Variants in MAML2 observed in about 807,000 individuals in gnomAD.
MAML2 encodes the protein mastermind like transcriptional coactivator 2, also known as mastermind-like protein 2.
A neutral mutation model predicts 96.1 loss-of-function variants in MAML2; 22 were observed. That is an observed-to-expected ratio of 0.23 (90% CI 0.16 to 0.33). MAML2 has a LOEUF of 0.33. MAML2 is among the 10% of genes least tolerant of loss of function. The pLI is 1.00. For missense variants in MAML2, 1,367 were observed against 1,392.4 expected (o/e 0.98, Z 0.29); for synonymous variants, 561 against 521.3 (o/e 1.08, Z -1.04).
intron 1 of MAML2, among the ~76,000 whole-genome samples, chr11:96,196,898 A>G (rs1861741253): frequency 1.4e-5 from 2 of 143,886 alleles, no homozygotes; most frequent in Admixed American, 6.9e-5. Context: ...TTTTTTTTCA[A>G]TAGGAGCCAG....
chr11:96,260,932 C>T (rs1862740978), intron 1 of MAML2, among the ~76,000 whole-genome samples: 1 of 152,018 alleles, frequency 6.6e-6, no homozygotes, highest in African/African-American at 2.4e-5. Flanking sequence ...CTGAGTGAAA[C>T]TAAATATTCT....
At chr11:96,265,691 CA>C (rs1184798154) in intron 1 of MAML2, among the ~76,000 whole-genome samples, 4 of 152,210 alleles carry the variant, frequency 2.6e-5, no homozygotes, top group African/African-American at 7.2e-5. Flanking sequence ...GAGGAACACA[CA>C]AGCGGCTAGA....
At chr11:96,309,926 C>T (rs1383777771) in intron 1 of MAML2, among the ~76,000 whole-genome samples, 1 of 151,972 alleles carries the variant, frequency 6.6e-6, no homozygotes, top group African/African-American at 2.4e-5. Flanking sequence ...CGGTCTTAAA[C>T]TCCTGGACTC....
At chr11:96,268,078 T>C (rs1235897678) in intron 1 of MAML2, among the ~76,000 whole-genome samples, 2 of 152,260 alleles carry the variant, frequency 1.3e-5, no homozygotes, top group Non-Finnish European at 2.9e-5. Flanking sequence ...ATCTCTGCTC[T>C]CTATGATTTC....
intron 2 of MAML2, among the ~76,000 whole-genome samples, chr11:96,033,993 C>A (rs1395591466): frequency 6.6e-6 from 1 of 152,152 alleles, no homozygotes; most frequent in Non-Finnish European, 1.5e-5. Context: ...TAAGGAAAAT[C>A]TTTTCTTTCC....
intron 1 of MAML2, among the ~76,000 whole-genome samples, chr11:96,287,988 C>CTT (rs1348871862): frequency 6.6e-6 from 1 of 152,082 alleles, no homozygotes; most frequent in Non-Finnish European, 1.5e-5. Context: ...TACATAAACT[C>CTT]TGAGAGTAAG....
intron 1 of MAML2, among the ~76,000 whole-genome samples, chr11:96,101,212 C>A (rs1352819243): frequency 6.6e-6 from 1 of 152,196 alleles, no homozygotes. Context: ...TTCCCCACCT[C>A]CCCTTTCTTA....
intron 2 of MAML2, among the ~76,000 whole-genome samples, chr11:96,042,373 CG>C (rs1273400913): frequency 1.3e-5 from 2 of 152,004 alleles, no homozygotes; most frequent in African/African-American, 4.8e-5. Flanking sequence ...CCACCTGCCT[CG>C]GCCTCCCAAA....
intron 1 of MAML2, among the ~76,000 whole-genome samples, chr11:96,243,595 C>A (rs1862468219): frequency 6.6e-6 from 1 of 152,182 alleles, no homozygotes; most frequent in Admixed American, 6.5e-5. Flanking sequence ...GAAGGAAGAC[C>A]CACATGTTAA....
At chr11:96,255,712 G>A (rs989056627) in intron 1 of MAML2, among the ~76,000 whole-genome samples, 2 of 152,090 alleles carry the variant, frequency 1.3e-5, no homozygotes, top group South Asian at 4.2e-4. Context: ...ATTTCCAGAT[G>A]AGGGAATGAC....
At chr11:96,293,410 C>T (rs1023379026) in intron 1 of MAML2, among the ~76,000 whole-genome samples, 1 of 152,030 alleles carries the variant, frequency 6.6e-6, no homozygotes, top group African/African-American at 2.4e-5. Flanking sequence ...AATAATTTTC[C>T]TCGGTCTTTC....
At chr11:96,282,848 C>A (rs1400370115) in intron 1 of MAML2, among the ~76,000 whole-genome samples, 1 of 152,172 alleles carries the variant, frequency 6.6e-6, no homozygotes, top group Non-Finnish European at 1.5e-5. Flanking sequence ...CTCAGTCATC[C>A]TCCTCCTTCT....
intron 1 of MAML2, among the ~76,000 whole-genome samples, chr11:96,202,935 A>C (rs1861846903): frequency 6.6e-6 from 1 of 152,132 alleles, no homozygotes; most frequent in South Asian, 2.1e-4. Context: ...GCCTCAGATG[A>C]TATTTTTTAC....
intron 1 of MAML2, among the ~76,000 whole-genome samples, chr11:96,309,507 C>T (rs1863508492): frequency 6.6e-6 from 1 of 152,094 alleles, no homozygotes; most frequent in Non-Finnish European, 1.5e-5. Context: ...TAACTACCTG[C>T]TCACTCTCCC....
intron 2 of MAML2, among the ~76,000 whole-genome samples, chr11:96,062,157 T>C (rs1171428306): frequency 6.8e-6 from 1 of 146,160 alleles, no homozygotes. Flanking sequence ...AGTATGGTAC[T>C]TTTTTTTTGC....
chr11:96,163,040 G>A (rs1861137751), intron 1 of MAML2, among the ~76,000 whole-genome samples: 2 of 152,190 alleles, frequency 1.3e-5, no homozygotes, highest in Admixed American at 1.3e-4. Context: ...ATGTTGGCTG[G>A]AGCCAAGACT....
chr11:96,082,806 A>C (rs1185453115), intron 2 of MAML2, among the ~76,000 whole-genome samples: 1 of 152,200 alleles, frequency 6.6e-6, no homozygotes, highest in Non-Finnish European at 1.5e-5. Context: ...CGAAGGCAGC[A>C]GCAGTGGAGG....
chr11:96,328,110 A>T (rs1306120123), intron 1 of MAML2, among the ~76,000 whole-genome samples: 1 of 152,038 alleles, frequency 6.6e-6, no homozygotes, highest in Non-Finnish European at 1.5e-5. Flanking sequence ...AAATAATAAC[A>T]ATCAAAAACA....
rs910391897 is a variant in MAML2, at chr11:96,030,248, A to G, written c.2140-38525T>C. Among the ~76,000 whole-genome samples the G allele has an allele frequency of 2.6e-5, 4 of 152,020 alleles. No homozygotes were observed. The East Asian group carries it at 7.7e-4, about 29-fold the overall frequency. Reference sequence around the variant, plus strand: ...GAGACTCCATAAAAAAAAAAAAATCATATGGAAAGATAAAGTTCAGAAATA... The same window carrying G: ...GAGACTCCATAAAAAAAAAAAAATCGTATGGAAAGATAAAGTTCAGAAATA... On this transcript the variant is annotated intron_variant, in intron 2 of 4. Coordinates refer to ENST00000524717, the MANE Select transcript of MAML2 (RefSeq NM_032427.4).
Sources: gnomAD v4.1 joint callset for allele counts (sites outside exome capture counted in the v4.1 genomes callset) on GRCh38, gnomAD v4.1.1 for gene constraint, MANE v1.5 for transcripts, NCBI Gene and HGNC (gene_info 2026-07-23, HGNC 2026-07-21) for gene names.